The following PTPRN2 variants were observed in gnomAD, a reference collection of about 807,000 sequenced individuals.
PTPRN2 encodes the protein receptor-type tyrosine-protein phosphatase N2.
In PTPRN2, 74 loss-of-function variants were observed where a neutral mutation model predicts 118.8. That is an observed-to-expected ratio of 0.62 (90% CI 0.52 to 0.76). The LOEUF is 0.76. Among genes scored for constraint, PTPRN2 ranks in the 30% least tolerant of loss-of-function variants. The pLI, the probability that PTPRN2 is intolerant of heterozygous loss-of-function variation, is 0.00. For synonymous variants in PTPRN2, 641 were observed against 608.0 expected (o/e 1.05, Z -0.80); for missense variants, 1,481 against 1,394.4 (o/e 1.06, Z -0.99).
chr7:158,274,050 G>A (rs112818485), intron 3 of PTPRN2, among the ~76,000 whole-genome samples: 1,421 of 46,514 alleles, frequency 0.031, no homozygotes, highest in South Asian at 0.066. Flanking sequence ...GGAGACACAC[G>A]AGGAGCCGCA....
chr7:158,170,472 G>A lies in PTPRN2; in HGVS notation c.550-3181C>T, dbSNP rs531761826. On this transcript the variant is annotated intron_variant, in intron 5 of 22. Transcript: ENST00000389418. ...GTGCATTACACAATCACAGCAGAGT[G>A]TGATCTGTGCAGTAGACTTGGATAA... 2.0e-5 allele frequency among the ~76,000 whole-genome samples: 3 copies of A among 152,356 alleles called. No homozygotes were observed. In the South Asian group the frequency reaches 6.2e-4, roughly 32 times the overall value.
At position 157,831,243 on chromosome 7, in the gene PTPRN2, C is replaced by T. The variant is rs192982241; in HGVS notation, c.1788+67430G>A. ...CAAGGGGTGCAGGGAAGTCCAGAGACAGAAGCCCCCATGGTGCAGGCCTGT... is the reference window on the plus strand; with the variant it reads ...CAAGGGGTGCAGGGAAGTCCAGAGATAGAAGCCCCCATGGTGCAGGCCTGT... On this transcript the variant is annotated intron_variant, in intron 12 of 22. Coordinates refer to ENST00000389418, the MANE Select transcript of PTPRN2 (RefSeq NM_002847.5). The surrounding 1 kb of genome is among the most constrained non-coding windows in gnomAD (Gnocchi z 4.8). Among the ~76,000 whole-genome samples, 247 of 152,316 alleles carry T rather than the reference C, an allele frequency of 1.6e-3. No individual in the cohort carries two copies. The highest frequency in any genetic ancestry group is 5.5e-3 in the African/African-American group (229 of 41,560).
chr7:158,486,783 C>T (rs1389099665), intron 2 of PTPRN2, among the ~76,000 whole-genome samples: 1 of 152,196 alleles, frequency 6.6e-6, no homozygotes, highest in Non-Finnish European at 1.5e-5. Flanking sequence ...AAATATACGT[C>T]ACATTAAAAT....
At chr7:158,179,924 T>A (rs1336829927) in intron 5 of PTPRN2, among the ~76,000 whole-genome samples, 1 of 152,252 alleles carries the variant, frequency 6.6e-6, no homozygotes, top group South Asian at 2.1e-4. Flanking sequence ...TTAACCCTCA[T>A]GTAATTAAAA....
At chr7:158,056,032 C>T (rs575337979) in intron 11 of PTPRN2, among the ~76,000 whole-genome samples, 1 of 152,206 alleles carries the variant, frequency 6.6e-6, no homozygotes, top group Non-Finnish European at 1.5e-5. Context: ...GCCGAGGCCC[C>T]TTCCTCTCTG....
chr7:157,750,919 G>A (rs181408600), intron 12 of PTPRN2, among the ~76,000 whole-genome samples: 34 of 152,350 alleles, frequency 2.2e-4, no homozygotes, highest in Admixed American at 5.9e-4. Context: ...ACCATCGGCC[G>A]ATCTTCCTGG....
chr7:157,595,708 C>A (rs1801296390), intron 16 of PTPRN2, among the ~76,000 whole-genome samples: 1 of 151,938 alleles, frequency 6.6e-6, no homozygotes, highest in South Asian at 2.1e-4. Flanking sequence ...AGCCAGGAAG[C>A]AGAGCCTGGG....
In PTPRN2 at chr7:157,974,254, ATTTTCTC is replaced by A. The variant is rs1185287478; in HGVS notation, c.1724-75524_1724-75518del. The stretch of plus-strand genomic sequence containing the variant: ...TCAAGTCTGTTTGCCTCCCACTAGC[ATTTTCTC>A]ATCTCCAGCACGGTGTCAATGGTGC... On this transcript the variant is annotated intron_variant, in intron 11 of 22. Transcript: ENST00000389418. This position sits in a 1 kb window ranked among gnomAD's most constrained non-coding sequence, Gnocchi z 4.0. Among the ~76,000 whole-genome samples, 14 of 152,228 alleles carry A rather than the reference ATTTTCTC, an allele frequency of 9.2e-5. No individual in the cohort carries two copies. The highest frequency in any genetic ancestry group is 1.9e-4 in the Non-Finnish European group (13 of 68,012).
At chr7:158,510,929 A>G (rs1823133397) in intron 1 of PTPRN2, among the ~76,000 whole-genome samples, 1 of 152,222 alleles carries the variant, frequency 6.6e-6, no homozygotes, top group African/African-American at 2.4e-5. Flanking sequence ...GGCCCAAGGA[A>G]TGTACCTTCC....
chr7:158,102,175 AG>A (rs2150348897), intron 10 of PTPRN2, among the ~76,000 whole-genome samples: 1 of 152,330 alleles, frequency 6.6e-6, no homozygotes, highest in African/African-American at 2.4e-5. Flanking sequence ...AGCCATCAGC[AG>A]CAGGGCGGCC....
In PTPRN2 at chr7:158,081,490, C is replaced by T. The variant is rs560812586; in HGVS notation, c.1644-113G>A. ...TTTTAAAAACGCAAACATCCAAGGC[C>T]GCTGTGGCTCCAGGCGTCGACTCCA... On this transcript the variant is annotated intron_variant, in intron 10 of 22. Transcript: ENST00000389418. 7.4e-5 allele frequency: 73 copies of T among 981,180 alleles called. No individual in the cohort carries two copies. In the African/African-American group the frequency reaches 1.0e-3, roughly 14 times the overall value. The allele number at this position is 981,180 out of a possible 1,614,324, so 60.8% of individuals were successfully genotyped here.
chr7:158,471,967 CTTCCGGCCCCGCCACGG>C (rs1370495809), intron 2 of PTPRN2, among the ~76,000 whole-genome samples: 104 of 152,098 alleles, frequency 6.8e-4, no homozygotes, highest in African/African-American at 1.2e-3. Context: ...TCCAATCATG[CTTCCGGCCCCGCCACGG>C]TTCCGGCCCC....
At chr7:158,263,775 C>G (rs1015495831) in intron 3 of PTPRN2, among the ~76,000 whole-genome samples, 1 of 152,224 alleles carries the variant, frequency 6.6e-6, no homozygotes, top group African/African-American at 2.4e-5. Flanking sequence ...CTGGGGAGAA[C>G]CTCCTGCCAG....
At chr7:157,829,406 T>C (rs1371696442) in intron 12 of PTPRN2, among the ~76,000 whole-genome samples, 1 of 152,130 alleles carries the variant, frequency 6.6e-6, no homozygotes, top group Non-Finnish European at 1.5e-5. Context: ...GGCGCTCTTT[T>C]TGTGGGGTCA....
At chr7:157,673,144 CT>C (rs1796495084) in intron 13 of PTPRN2, among the ~76,000 whole-genome samples, 1 of 152,202 alleles carries the variant, frequency 6.6e-6, no homozygotes. Context: ...CTGCCTCAGC[CT>C]CCCGAGTAGC....
At chr7:158,056,506 G>C (rs1424287495) in intron 11 of PTPRN2, among the ~76,000 whole-genome samples, 1 of 152,180 alleles carries the variant, frequency 6.6e-6, no homozygotes, top group African/African-American at 2.4e-5. Context: ...TTCCACATGT[G>C]CCTGGGTTTA....
chr7:158,329,870 G>T (rs985864088), intron 2 of PTPRN2, among the ~76,000 whole-genome samples: 1 of 152,112 alleles, frequency 6.6e-6, no homozygotes, highest in East Asian at 1.9e-4. Flanking sequence ...AGATGCCAGC[G>T]TCTGACTGAG....
chr7:157,988,668 G>T (rs1052824456), intron 11 of PTPRN2, among the ~76,000 whole-genome samples: 2 of 152,208 alleles, frequency 1.3e-5, no homozygotes, highest in African/African-American at 4.8e-5. Flanking sequence ...AACCGGGGGA[G>T]GGATGCACAG....
intron 2 of PTPRN2, among the ~76,000 whole-genome samples, chr7:158,413,918 T>G (rs1017333787): frequency 2.0e-5 from 3 of 151,982 alleles, no homozygotes; most frequent in Non-Finnish European, 2.9e-5. Flanking sequence ...GGCAGGTGAA[T>G]TACCTGAGGT....
Sources: allele counts gnomAD v4.1 joint callset (sites outside exome capture counted in the v4.1 genomes callset), GRCh38; gene constraint gnomAD v4.1.1; non-coding constraint Gnocchi (gnomAD v3.1); transcripts MANE v1.5; gene names NCBI Gene and HGNC (gene_info 2026-07-23, HGNC 2026-07-21).